Variants in MYCT1 observed in about 807,000 individuals in gnomAD.
The protein encoded by MYCT1 is MYC target 1.
In MYCT1, 12 loss-of-function variants were observed where a neutral mutation model predicts 15.0. That is an observed-to-expected ratio of 0.80 (90% CI 0.51 to 1.29). The LOEUF (loss-of-function observed/expected upper bound fraction) is 1.29, where lower values mean the gene tolerates loss of function less well. Among genes scored for constraint, MYCT1 ranks in the 50% most tolerant of loss-of-function variants. The pLI, the probability that MYCT1 is intolerant of heterozygous loss-of-function variation, is 0.00. For missense variants in MYCT1, 287 were observed against 279.1 expected (o/e 1.03, Z -0.20); for synonymous variants, 104 against 102.7 (o/e 1.01, Z -0.07).
At chr6:152,746,911 T>C in the MYCT1 span, among the ~76,000 whole-genome samples, 1 of 152,192 alleles carries the variant, frequency 6.6e-6, no homozygotes, top group Admixed American at 6.5e-5. Context: ...AAGGGAGAAG[T>C]TGTCCTCGAT....
rs184736435 is a variant in MYCT1 at position 152,721,882 on chromosome 6, A to G, written c.337A>G (p.Arg113Gly). Reference protein sequence around the residue: ...ISQWSSSRRSRSSYTHGLNRT... With the variant: ...ISQWSSSRRSGSSYTHGLNRT... ...ACAGTGGAGTTCAAGCAGGAGATCT[A>G]GGTCTTCTTACACCCACGGCCTCAA... is the stretch of plus-strand genomic sequence containing the variant. Residue 113 changes from arginine to glycine, a missense_variant, in exon 2 of 2, where the codon AGG becomes GGG. Transcript: ENST00000367245. The G allele has an allele frequency of 1.2e-4, 188 of 1,614,086 alleles. 4 individuals are homozygous for G. In the South Asian group the frequency reaches 1.5e-3, roughly 13 times the overall value.
chr6:152,736,609 T>C, the MYCT1 span, among the ~76,000 whole-genome samples: 1 of 152,022 alleles, frequency 6.6e-6, no homozygotes, highest in Non-Finnish European at 1.5e-5. Flanking sequence ...GAAAACAGGG[T>C]TTGCATTTTT....
At chr6:152,740,798 T>C in the MYCT1 span, among the ~76,000 whole-genome samples, 5 of 152,140 alleles carry the variant, frequency 3.3e-5, no homozygotes, top group African/African-American at 1.2e-4. Context: ...ACAGCGTATT[T>C]AGTTATATTT....
At chr6:152,743,144 C>T in the MYCT1 span, among the ~76,000 whole-genome samples, 470 of 152,284 alleles carry the variant, frequency 3.1e-3, 3 homozygotes, top group African/African-American at 0.011. Context: ...CAACCTCTGC[C>T]TCCTAGGTTT....
intron 1 of MYCT1, among the ~76,000 whole-genome samples, 193 bp downstream of exon 1, chr6:152,698,291 T>C (rs948590274): frequency 7.9e-5 from 12 of 151,406 alleles, no homozygotes; most frequent in Non-Finnish European, 1.8e-4. Flanking sequence ...TATAAATATA[T>C]ACTTATATAT....
the MYCT1 span, among the ~76,000 whole-genome samples, chr6:152,742,765 G>T: frequency 6.6e-6 from 1 of 152,064 alleles, no homozygotes; most frequent in African/African-American, 2.4e-5. Context: ...ATGTATGATT[G>T]TATATGTGTA....
chr6:152,702,281 G>C (rs1412365066), intron 1 of MYCT1, among the ~76,000 whole-genome samples: 1 of 152,126 alleles, frequency 6.6e-6, no homozygotes, highest in East Asian at 1.9e-4. Flanking sequence ...CCTTTAGGCT[G>C]TTAGCTTTTA....
At position 152,722,821 on chromosome 6, in the gene MYCT1, CT is replaced by C; in HGVS notation, c.*569del. The C allele has an allele frequency of 2.9e-6, 1 of 344,062 alleles. No individual in the cohort carries two copies. Among genetic ancestry groups the C allele is most frequent in the Non-Finnish European group, 5.8e-6 (1 of 173,354 alleles). 21.3% of individuals were successfully genotyped at this position (344,062 alleles called of 1,614,324 possible). A position where few individuals can be genotyped will look rare whatever the true frequency, so the allele number is the denominator to read the frequency against. ...TAGCATGATCAGGACTCACTGCAGC[CT>C]CTATCTCCCAGGCTCAAGTAATCCT... On this transcript the variant is annotated 3_prime_UTR_variant, in exon 2 of 2. Transcript: ENST00000367245.
chr6:152,739,344 A>T, the MYCT1 span, among the ~76,000 whole-genome samples: 3,889 of 149,918 alleles, frequency 0.026, 169 homozygotes, highest in African/African-American at 0.091. Context: ...ATATTTTTGT[A>T]TTTTTTTTTG....
intron 1 of MYCT1, chr6:152,705,800 G>A (rs1282557): frequency 0.75 from 478,578 of 635,402 alleles, 183,300 homozygotes; most frequent in East Asian, 0.99. Flanking sequence ...AAACTGGTAT[G>A]GAAATTATTA....
the MYCT1 span, among the ~76,000 whole-genome samples, chr6:152,742,570 G>A: frequency 1.3e-5 from 2 of 152,116 alleles, no homozygotes; most frequent in African/African-American, 4.8e-5. Flanking sequence ...TTTGGGGGAA[G>A]ATCACTTTAG....
the MYCT1 span, among the ~76,000 whole-genome samples, chr6:152,736,923 G>A: frequency 1.3e-5 from 2 of 152,102 alleles, no homozygotes; most frequent in Non-Finnish European, 2.9e-5. Flanking sequence ...AGTAAGCACA[G>A]GGTATATTCC....
At position 152,698,102 on chromosome 6, in the gene MYCT1, AG is replaced by A; in HGVS notation, c.196+6del. 1 of 1,531,856 alleles carries A rather than the reference AG, an allele frequency of 6.5e-7. No individual in the cohort carries two copies. Among genetic ancestry groups the A allele is most frequent in the Non-Finnish European group, 8.7e-7 (1 of 1,145,158 alleles). The allele number at this position is 1,531,856 out of a possible 1,614,324, so 94.9% of individuals were successfully genotyped here. ...CCATGGCCAGAAAACTTTTGGGGTA[AG>A]GTATTTTCTTTTACTGTTTAAAATT... On this transcript the variant is annotated splice_donor_5th_base_variant and intron_variant, in intron 1 of 1. Coordinates refer to ENST00000367245, the MANE Select transcript of MYCT1 (RefSeq NM_025107.3).
Position 152,722,468 on chromosome 6 carries a change from G to T in MYCT1, c.*215G>T, listed in dbSNP as rs1029863706. On this transcript the variant is annotated 3_prime_UTR_variant, in exon 2 of 2. Coordinates refer to ENST00000367245, the MANE Select transcript of MYCT1 (RefSeq NM_025107.3). ...CAAAAAATGTAATATTTTCCCCCAA[G>T]CGTTTTATATTTATGTATTTTGTAT... The T allele has an allele frequency of 2.0e-6, 1 of 510,230 alleles. No individual in the cohort carries two copies. The allele number at this position is 510,230 out of a possible 1,614,324, so 31.6% of individuals were successfully genotyped here.
At chr6:152,739,774 AT>A in the MYCT1 span, among the ~76,000 whole-genome samples, 1 of 152,104 alleles carries the variant, frequency 6.6e-6, no homozygotes, top group Non-Finnish European at 1.5e-5. Flanking sequence ...AATTTGAAAT[AT>A]TTTTTTAAAG....
At chr6:152,733,557 T>A in the MYCT1 span, among the ~76,000 whole-genome samples, 1 of 152,200 alleles carries the variant, frequency 6.6e-6, no homozygotes, top group Non-Finnish European at 1.5e-5. Context: ...GAGCTCTGAA[T>A]GAAGTTATAT....
chr6:152,735,267 G>A, the MYCT1 span, among the ~76,000 whole-genome samples: 4 of 152,178 alleles, frequency 2.6e-5, no homozygotes, highest in South Asian at 2.1e-4. Flanking sequence ...TTTCAAAGTT[G>A]TAAATATTAT....
In MYCT1 at chr6:152,722,741, C is replaced by CT. The variant is rs771416802; in HGVS notation, c.*497dup. ...TGACATTTTACAATCTTAGATTTTTCTTTTTTTTTCTTTTGAGACAGGGTC... is the reference window on the plus strand; with the variant it reads ...TGACATTTTACAATCTTAGATTTTTCTTTTTTTTTTCTTTTGAGACAGGGTC... On this transcript the variant is annotated 3_prime_UTR_variant, in exon 2 of 2. Transcript: ENST00000367245. 2.6e-3 allele frequency: 1,038 copies of CT among 397,870 alleles called. No individual in the cohort carries two copies. Among genetic ancestry groups the CT allele is most frequent in the South Asian group, 4.0e-3 (215 of 54,032 alleles). 24.6% of individuals were successfully genotyped at this position (397,870 alleles called of 1,614,324 possible).
the MYCT1 span, among the ~76,000 whole-genome samples, chr6:152,740,240 G>A: frequency 0.13 from 19,186 of 151,916 alleles, 1,440 homozygotes; most frequent in Admixed American, 0.21. Flanking sequence ...AGTAGAGACG[G>A]GGTTTCTCCA....
Sources: allele counts gnomAD v4.1 joint callset (sites outside exome capture counted in the v4.1 genomes callset), GRCh38; gene constraint gnomAD v4.1.1; transcripts MANE v1.5; gene names NCBI Gene and HGNC (gene_info 2026-07-23, HGNC 2026-07-21).